Variants in PDS5B observed in about 807,000 individuals in gnomAD.
The protein encoded by PDS5B is PDS5 cohesin associated factor B.
In PDS5B, 51 loss-of-function variants were observed where a neutral mutation model predicts 184.1. The observed-to-expected ratio is 0.28, with a 90% confidence interval of 0.22 to 0.35. PDS5B has a LOEUF of 0.35. Ranked by LOEUF, PDS5B falls within the 10% of genes least tolerant of loss-of-function variation. The pLI is 1.00. For synonymous variants in PDS5B, 566 were observed against 569.2 expected (o/e 0.99, Z 0.08); for missense variants, 1,180 against 1,723.3 (o/e 0.68, Z 5.58).
chr13:32,643,336 A>G (rs549075509), intron 1 of PDS5B, among the ~76,000 whole-genome samples: 11 of 152,206 alleles, frequency 7.2e-5, no homozygotes, highest in Middle Eastern at 3.4e-3. Flanking sequence ...CTCTTTTATC[A>G]TATTCTAAAA....
At chr13:32,757,614 C>T (rs1954230419) in intron 26 of PDS5B, among the ~76,000 whole-genome samples, 1 of 152,150 alleles carries the variant, frequency 6.6e-6, no homozygotes, top group Non-Finnish European at 1.5e-5. Flanking sequence ...AATTGTCAAT[C>T]TTGACTTTTT....
intron 1 of PDS5B, among the ~76,000 whole-genome samples, chr13:32,599,886 G>T (rs2140479944): frequency 6.6e-6 from 1 of 152,192 alleles, no homozygotes; most frequent in African/African-American, 2.4e-5. Flanking sequence ...GTGTGCTCCA[G>T]CCTGGGTGAC....
intron 15 of PDS5B, 57 bp from the exon 16 acceptor site, chr13:32,699,670 CTAT>C (rs2140866824): frequency 3.3e-6 from 3 of 904,796 alleles, no homozygotes; most frequent in African/African-American, 1.8e-5. Context: ...AAATATTGAC[CTAT>C]TATTATTTTA....
At chr13:32,600,344 T>TAA (rs1418047300) in intron 1 of PDS5B, among the ~76,000 whole-genome samples, 1 of 152,238 alleles carries the variant, frequency 6.6e-6, no homozygotes, top group East Asian at 1.9e-4. Flanking sequence ...ATCATATCTC[T>TAA]AAACTCTTTT....
At chr13:32,768,782 G>T (rs1305324021) in intron 31 of PDS5B, among the ~76,000 whole-genome samples, 1 of 124,644 alleles carries the variant, frequency 8.0e-6, no homozygotes, top group Admixed American at 8.7e-5. Flanking sequence ...GACAGAGCGA[G>T]ACTCTGTCTC....
chr13:32,766,719 A>C (rs1487815633), intron 31 of PDS5B, among the ~76,000 whole-genome samples: 1 of 152,152 alleles, frequency 6.6e-6, no homozygotes, highest in Non-Finnish European at 1.5e-5. Flanking sequence ...TTTGCTTCTA[A>C]CCTCGGTTTT....
intron 3 of PDS5B, 70 bp downstream of exon 3, chr13:32,652,077 T>A (rs1272938655): frequency 9.7e-7 from 1 of 1,031,418 alleles, no homozygotes. Context: ...AAAATGGGAG[T>A]TAAGGTATTT....
At chr13:32,621,761 G>A (rs1237906169) in intron 1 of PDS5B, among the ~76,000 whole-genome samples, 4 of 152,070 alleles carry the variant, frequency 2.6e-5, no homozygotes, top group Admixed American at 6.5e-5. Context: ...CAGGCTGCCT[G>A]CCTCTTTTTC....
In PDS5B at chr13:32,635,580, G is replaced by T. The variant is rs551973024; in HGVS notation, c.-19-13174G>T. Among the ~76,000 whole-genome samples, 33 of 151,190 alleles carry T rather than the reference G, an allele frequency of 2.2e-4. No homozygotes were observed. In the South Asian group the frequency reaches 6.9e-3, roughly 32 times the overall value. ...GATGGTCTTGATCTCTTGACCTCAT[G>T]ATCTGGCCGCCTCAACCTCCCAAAG... On this transcript the variant is annotated intron_variant, in intron 1 of 34. Transcript: ENST00000315596.
chr13:32,610,101 G>GT (rs981529301), intron 1 of PDS5B, among the ~76,000 whole-genome samples: 2 of 152,168 alleles, frequency 1.3e-5, no homozygotes, highest in African/African-American at 4.8e-5. Context: ...AGATGGTAGA[G>GT]TATATGGGCA....
At chr13:32,652,520 T>G (rs74338922) in intron 3 of PDS5B, 2 of 150,952 alleles carry the variant, frequency 1.3e-5, no homozygotes, top group African/African-American at 2.5e-5. Flanking sequence ...GGATGATTAC[T>G]TGAGTTCATG....
At chr13:32,764,424 A>G in intron 30 of PDS5B, 65 bp from the exon 31 acceptor site, 1 of 974,194 alleles carries the variant, frequency 1.0e-6, no homozygotes, top group East Asian at 2.9e-5. Flanking sequence ...AAGCTACACT[A>G]GGAACAGAAA....
At chr13:32,729,476 T>C (rs1337611848) in intron 19 of PDS5B, among the ~76,000 whole-genome samples, 1 of 152,236 alleles carries the variant, frequency 6.6e-6, no homozygotes, top group African/African-American at 2.4e-5. Flanking sequence ...ATGGGATTGC[T>C]GGGTCAAGTG....
chr13:32,605,170 A>G (rs920548996), intron 1 of PDS5B, among the ~76,000 whole-genome samples: 3 of 152,098 alleles, frequency 2.0e-5, no homozygotes, highest in Admixed American at 6.5e-5. Flanking sequence ...TAGGGTGTCA[A>G]TTTTACATCT....
At position 32,775,179 on chromosome 13, in the gene PDS5B, G is replaced by T; in HGVS notation, c.*127G>T. The T allele has an allele frequency of 1.3e-6, 1 of 781,558 alleles. No homozygotes were observed. The highest frequency in any genetic ancestry group is 2.1e-6 in the Non-Finnish European group (1 of 482,066). 48.4% of individuals were successfully genotyped at this position (781,558 alleles called of 1,614,324 possible). On this transcript the variant is annotated 3_prime_UTR_variant, in exon 35 of 35. Transcript: ENST00000315596. ...GGGACTGCTGAAGAGTGGACAGTTG[G>T]ACCTTACTTTGGTGACCCCATACAT... is the stretch of plus-strand genomic sequence containing the variant.
At chr13:32,723,782 A>G (rs1354744021) in intron 19 of PDS5B, among the ~76,000 whole-genome samples, 1 of 152,224 alleles carries the variant, frequency 6.6e-6, no homozygotes, top group African/African-American at 2.4e-5. Flanking sequence ...TGAAGTAACC[A>G]CAGAATAATA....
chr13:32,712,974 G>A (rs1333254117), intron 19 of PDS5B, among the ~76,000 whole-genome samples: 1 of 152,186 alleles, frequency 6.6e-6, no homozygotes, highest in Non-Finnish European at 1.5e-5. Flanking sequence ...TGAGTTATAT[G>A]AGTTCCATTG....
In PDS5B at chr13:32,775,112, T is replaced by TTTTTTG. The variant is rs57144014; in HGVS notation, c.*60_*61insTTTTTG. The TTTTTTG allele has an allele frequency of 1.3e-6, 2 of 1,497,226 alleles. No homozygotes were observed. Among genetic ancestry groups the TTTTTTG allele is most frequent in the African/African-American group, 2.8e-5 (2 of 70,986 alleles). The allele number at this position is 1,497,226 out of a possible 1,614,324, so 92.7% of individuals were successfully genotyped here. ...TTGGAAAAATCTTTTTTTTTTTTTT[T>TTTTTTG]GGTCAAGCTTGAGGCTGAATAAAGC... is the stretch of plus-strand genomic sequence containing the variant. On this transcript the variant is annotated 3_prime_UTR_variant, in exon 35 of 35. Coordinates refer to ENST00000315596, the MANE Select transcript of PDS5B (RefSeq NM_015032.4).
At position 32,759,691 on chromosome 13, in the gene PDS5B, G is replaced by A; in HGVS notation, c.3372+1G>A. 1 of 1,522,310 alleles carries A rather than the reference G, an allele frequency of 6.6e-7. No homozygotes were observed. The highest frequency in any genetic ancestry group is 2.3e-5 in the East Asian group (1 of 43,876). The allele number at this position is 1,522,310 out of a possible 1,614,324, so 94.3% of individuals were successfully genotyped here. A position where few individuals can be genotyped will look rare whatever the true frequency, so the allele number is the denominator to read the frequency against. On this transcript the variant is annotated splice_donor_variant, in intron 29 of 34. Transcript: ENST00000315596. LOFTEE classifies it high-confidence loss of function. The stretch of plus-strand genomic sequence containing the variant: ...GAAATCATTTTTCACTCCTGGAAAA[G>A]TATGTTTTGAGAATCATTTTAATTT...
Sources: allele counts gnomAD v4.1 joint callset (sites outside exome capture counted in the v4.1 genomes callset), GRCh38; gene constraint gnomAD v4.1.1; transcripts MANE v1.5; gene names NCBI Gene and HGNC (gene_info 2026-07-23, HGNC 2026-07-21).